FAT3: variants seen among roughly 807,000 people sequenced by gnomAD.
FAT3 encodes the protein FAT atypical cadherin 3, also known as protocadherin Fat 3.
In FAT3, 95 loss-of-function variants were observed where a neutral mutation model predicts 310.2. The observed-to-expected ratio is 0.31, with a 90% CI of 0.26 to 0.36. The LOEUF (loss-of-function observed/expected upper bound fraction) is 0.36, where lower values mean the gene tolerates loss of function less well. Among genes scored for constraint, FAT3 ranks in the 10% least tolerant of loss-of-function variants. The probability of loss-of-function intolerance (pLI) is 1.00; values close to 1 mark genes in which losing one functional copy is unlikely to be tolerated. For missense variants in FAT3, 5,408 were observed against 5,715.6 expected (o/e 0.95, Z 1.74); for synonymous variants, 2,314 against 2,192.9 (o/e 1.06, Z -1.54).
chr11:92,804,680 G>A (rs1591758549), intron 10 of FAT3, among the ~76,000 whole-genome samples: 1 of 152,142 alleles, frequency 6.6e-6, no homozygotes, highest in Non-Finnish European at 1.5e-5. Flanking sequence ...TGAGAAGAGC[G>A]CAGCTGTATG....
At chr11:92,480,800 A>G (rs1258445786) in intron 2 of FAT3, among the ~76,000 whole-genome samples, 1 of 152,148 alleles carries the variant, frequency 6.6e-6, no homozygotes, top group African/African-American at 2.4e-5. Flanking sequence ...CTTCCATTGG[A>G]TGCTGCATGA....
intron 2 of FAT3, among the ~76,000 whole-genome samples, chr11:92,365,697 T>A (rs898424959): frequency 3.3e-5 from 5 of 152,330 alleles, no homozygotes; most frequent in African/African-American, 1.2e-4. Context: ...CAGAAGTCAG[T>A]CAGTGAAAGA....
In FAT3 at chr11:92,756,916, A is replaced by ATTTTTT. The variant is rs34317439; in HGVS notation, c.3670-4919_3670-4914dup. ...AGACCAATGAACTATTTGTGGCTCC[A>ATTTTTT]TTTTTTTTTTTTTTTTTTTTTTTTT... On this transcript the variant is annotated intron_variant, in intron 4 of 27. Transcript: ENST00000525166. Among the ~76,000 whole-genome samples, 19 of 90,288 alleles carry ATTTTTT rather than the reference A, an allele frequency of 2.1e-4. 1 individual carries two copies. Among genetic ancestry groups the ATTTTTT allele is most frequent in the African/African-American group, 7.2e-4 (15 of 20,852 alleles). 59.2% of individuals were successfully genotyped at this position (90,288 alleles called of 152,430 possible).
chr11:92,355,593 C>G (rs755031375), intron 2 of FAT3, among the ~76,000 whole-genome samples, 189 bp downstream of exon 2: 11 of 152,152 alleles, frequency 7.2e-5, no homozygotes, highest in Non-Finnish European at 1.5e-4. Flanking sequence ...TATAAACTAA[C>G]AGCTGTGGTT....
rs1565608832 is a variant in FAT3, at chr11:92,801,528, A to G, written c.8515A>G (p.Ile2839Val). 6.2e-7 allele frequency: 1 copy of G among 1,609,688 alleles called. No individual in the cohort carries two copies. The highest frequency in any genetic ancestry group is 8.5e-7 in the Non-Finnish European group (1 of 1,177,816). ...VGTKLTQVRA[I>V]DMDWGANGQV... ...CACCAAACTCACACAAGTGAGAGCT[A>G]TTGATATGGACTGGGGAGCCAATGG... is the stretch of plus-strand genomic sequence containing the variant. The change falls in exon 10 of 28, where the codon ATT becomes GTT. Residue 2839 changes from isoleucine to valine, a missense_variant. Physicochemically the swap from Ile to Val is conservative, Grantham distance 29 (BLOSUM62 3). Around this residue, in one of 5 missense-constraint regions of FAT3, gnomAD observed 4,588 missense variants for 4,809.8 expected, o/e 0.95. Transcript: ENST00000525166.
At chr11:92,717,458 C>T (rs1158516826) in intron 4 of FAT3, among the ~76,000 whole-genome samples, 1 of 152,114 alleles carries the variant, frequency 6.6e-6, no homozygotes, top group African/African-American at 2.4e-5. Context: ...ATGACTCACC[C>T]TCCTACAGAT....
chr11:92,693,838 A>G (rs1017984540), intron 3 of FAT3, among the ~76,000 whole-genome samples: 8 of 152,296 alleles, frequency 5.3e-5, no homozygotes, highest in Middle Eastern at 3.4e-3. Flanking sequence ...TAAAATTTCA[A>G]TGTTTCCATG....
Position 92,268,116 on chromosome 11 carries a change from C to T in FAT3, c.-18+42942C>T, listed in dbSNP as rs371835538. On this transcript the variant is annotated intron_variant, in intron 1 of 27. Coordinates refer to ENST00000525166, the MANE Select transcript of FAT3 (RefSeq NM_001367949.2). ...AAGGAGAAAGAAAACAAACACTGGT[C>T]CCAACTCTGTGCTAATAGCTTTCAG... is the stretch of plus-strand genomic sequence containing the variant. 6.6e-5 allele frequency among the ~76,000 whole-genome samples: 10 copies of T among 151,990 alleles called. No homozygotes were observed. The East Asian group carries it at 9.7e-4, about 15-fold the overall frequency.
rs759492943 is a variant in FAT3, at chr11:92,761,983, G to A, written c.3797G>A (p.Arg1266His). The A allele has an allele frequency of 2.2e-5, 36 of 1,613,838 alleles. No individual in the cohort carries two copies. Among genetic ancestry groups the A allele is most frequent in the Admixed American group, 1.7e-4 (10 of 59,996 alleles). Residue 1266 changes from arginine to histidine, a missense_variant, in exon 5 of 28, where the codon CGT becomes CAT. Physicochemically the swap from Arg to His is conservative, Grantham distance 29 (BLOSUM62 0). Around this residue, in one of 5 missense-constraint regions of FAT3, gnomAD observed 4,588 missense variants for 4,809.8 expected, o/e 0.95. Coordinates refer to ENST00000525166, the MANE Select transcript of FAT3 (RefSeq NM_001367949.2). ...EKVYQIKLPE[R>H]DRKKRGEPIY... is the part of the protein sequence containing the mutation. ...GTCTACCAGATCAAGCTGCCAGAAC[G>A]TGACCGAAAGAAGAGAGGAGAACCG...
intron 2 of FAT3, among the ~76,000 whole-genome samples, chr11:92,513,181 C>T (rs1040411010): frequency 2.6e-5 from 4 of 151,992 alleles, no homozygotes; most frequent in Non-Finnish European, 5.9e-5. Context: ...CTGTTCATGC[C>T]ATTTCAATTT....
intron 21 of FAT3, among the ~76,000 whole-genome samples, chr11:92,863,790 A>G (rs1417112159): frequency 6.6e-6 from 1 of 152,232 alleles, no homozygotes; most frequent in Non-Finnish European, 1.5e-5. Context: ...CCAGTATAAG[A>G]GAACATAGAC....
At chr11:92,468,978 G>C (rs1329989215) in intron 2 of FAT3, among the ~76,000 whole-genome samples, 1 of 152,144 alleles carries the variant, frequency 6.6e-6, no homozygotes, top group East Asian at 1.9e-4. Flanking sequence ...TGAAGCCATA[G>C]CCAAACTTTC....
chr11:92,840,645 C>G lies in FAT3; in HGVS notation c.10452C>G (p.Phe3484Leu). 1 of 1,613,068 alleles carries G rather than the reference C, an allele frequency of 6.2e-7. No individual in the cohort carries two copies. Residue 3484 changes from phenylalanine (F) to leucine (L), a missense_variant, in exon 18 of 28, where the codon TTC becomes TTG. This residue lies in a region of FAT3 where 4,588 missense variants were observed against 4,809.8 expected (regional missense o/e 0.95). Transcript: ENST00000525166. Reference sequence around the variant, plus strand: ...TTCACAATGGGCCTCCCTTTTCATTCTCTATTTTGTCGGGAAATGAAGAGG... The same window carrying G: ...TTCACAATGGGCCTCCCTTTTCATTGTCTATTTTGTCGGGAAATGAAGAGG... ...DSFHNGPPFS[F>L]SILSGNEEEE... is the part of the protein sequence containing the mutation.
At position 92,836,671 on chromosome 11, in the gene FAT3, G is replaced by A. The variant is rs1329921239; in HGVS notation, c.10192G>A (p.Val3398Met). 4 of 1,613,336 alleles carry A rather than the reference G, an allele frequency of 2.5e-6. No homozygotes were observed. In the African/African-American group the frequency reaches 4.0e-5, roughly 16 times the overall value. The change falls in exon 16 of 28, where the codon GTG becomes ATG. Residue 3398 changes from valine to methionine, a missense_variant. Transcript: ENST00000525166. ...EFTVDPVLGL[V>M]KVKKKLDRER... is the part of the protein sequence containing the mutation. ...TACTGTAGATCCTGTCTTGGGACTT[G>A]TGAAAGTTAAGAAGAAATTGGACCG... is the stretch of plus-strand genomic sequence containing the variant.
At chr11:92,593,310 G>A (rs190356795) in intron 3 of FAT3, among the ~76,000 whole-genome samples, 1 of 151,952 alleles carries the variant, frequency 6.6e-6, no homozygotes, top group Non-Finnish European at 1.5e-5. Flanking sequence ...ATTCTTTTGG[G>A]CATATACCCA....
Position 92,809,828 on chromosome 11 carries a change from C to T in FAT3, c.9248-15C>T. ...TAAAAACTCAGACCAATCATGCTGCCATTTATTTTCACAGGCGAGTTAAAA... is the reference window on the plus strand; with the variant it reads ...TAAAAACTCAGACCAATCATGCTGCTATTTATTTTCACAGGCGAGTTAAAA... On this transcript the variant is annotated splice_polypyrimidine_tract_variant and intron_variant, in intron 12 of 27. Transcript: ENST00000525166. 12 of 1,600,392 alleles carry T rather than the reference C, an allele frequency of 7.5e-6. No homozygotes were observed. The highest frequency in any genetic ancestry group is 1.0e-5 in the Non-Finnish European group (12 of 1,168,926).
intron 1 of FAT3, among the ~76,000 whole-genome samples, chr11:92,269,439 T>C (rs1946062272): frequency 6.6e-6 from 1 of 152,176 alleles, no homozygotes; most frequent in South Asian, 2.1e-4. Context: ...GATTTAGTTT[T>C]ATTCTTCTAG....
intron 2 of FAT3, among the ~76,000 whole-genome samples, chr11:92,406,084 G>A (rs1187291553): frequency 2.6e-5 from 4 of 151,922 alleles, no homozygotes; most frequent in African/African-American, 7.3e-5. Flanking sequence ...TCATAAGTAC[G>A]TGTGCTTGAT....
intron 13 of FAT3, among the ~76,000 whole-genome samples, chr11:92,815,662 C>G (rs1947803683): frequency 6.6e-6 from 1 of 152,172 alleles, no homozygotes; most frequent in African/African-American, 2.4e-5. Context: ...TGGCAACTGA[C>G]TAGACTAAAA....
Sources: gnomAD v4.1 joint callset for allele counts (sites outside exome capture counted in the v4.1 genomes callset) on GRCh38, gnomAD v4.1.1 for gene constraint, gnomAD v4.1.1 regional missense constraint, MANE v1.5 for transcripts, NCBI Gene and HGNC (gene_info 2026-07-23, HGNC 2026-07-21) for gene names.